The following MME variants were observed in gnomAD, a reference collection of about 807,000 sequenced individuals.
MME encodes membrane metalloendopeptidase, also known as neprilysin.
Under a neutral mutation model 113.2 loss-of-function variants are expected in MME, and 98 were observed. The ratio of observed to expected loss-of-function variants is 0.87; its 90% CI spans 0.74 to 1.02. The LOEUF is 1.02. MME is among the 50% of genes least tolerant of loss of function. MME has a pLI of 0.00. For synonymous variants in MME, 292 were observed against 300.6 expected, an observed-to-expected ratio of 0.97 and a Z score of 0.30; for missense variants, 836 against 896.0, an observed-to-expected ratio of 0.93 and a Z score of 0.86.
intron 3 of MME, among the ~76,000 whole-genome samples, chr3:155,111,116 A>G (rs1253535904): frequency 6.6e-6 from 1 of 152,240 alleles, no homozygotes; most frequent in Non-Finnish European, 1.5e-5. Context: ...AATTACGACC[A>G]GTTTGACAGT....
At position 155,168,874 on chromosome 3, in the gene MME, T is replaced by G. The variant is rs1400925739; in HGVS notation, c.1980+77T>G. On this transcript the variant is annotated intron_variant, in intron 20 of 22. Coordinates refer to ENST00000360490, the MANE Select transcript of MME (RefSeq NM_007289.4). ...ATTTAATAATTCATTTAAAACCTTT[T>G]GCAAAAAAAGAAACTCATATAAGCA... 5 of 1,326,160 alleles carry G rather than the reference T, an allele frequency of 3.8e-6. No homozygotes were observed. The South Asian group carries it at 5.2e-5, about 14-fold the overall frequency. The allele number at this position is 1,326,160 out of a possible 1,614,324, so 82.1% of individuals were successfully genotyped here. A position where few individuals can be genotyped will look rare whatever the true frequency, so the allele number is the denominator to read the frequency against.
intron 1 of MME, among the ~76,000 whole-genome samples, chr3:155,057,732 C>G (rs547315600): frequency 1.7e-3 from 245 of 145,936 alleles, no homozygotes; most frequent in Non-Finnish European, 2.2e-3. Flanking sequence ...TTTGAGAGGG[C>G]AGGGAAGAGA....
intron 21 of MME, 44 bp downstream of exon 21, chr3:155,172,256 GT>G (rs1484481847): frequency 7.5e-7 from 1 of 1,338,654 alleles, no homozygotes; most frequent in African/African-American, 1.4e-5. Flanking sequence ...ACCATTTTGA[GT>G]TATAATTTCA....
chr3:155,059,254 G>C (rs1714052315), intron 1 of MME, among the ~76,000 whole-genome samples: 1 of 87,292 alleles, frequency 1.1e-5, no homozygotes. Context: ...GCAAAATTCT[G>C]TCTCAAAAAA....
At chr3:155,070,836 A>C (rs1714526597) in intron 1 of MME, among the ~76,000 whole-genome samples, 1 of 152,204 alleles carries the variant, frequency 6.6e-6, no homozygotes, top group African/African-American at 2.4e-5. Flanking sequence ...CATCAGAGTC[A>C]GAAAGAACCA....
chr3:155,146,594 G>A (rs961505850), intron 14 of MME, among the ~76,000 whole-genome samples: 6 of 151,814 alleles, frequency 4.0e-5, no homozygotes, highest in Non-Finnish European at 7.4e-5. Context: ...GGAAAACCTC[G>A]TTTTCCACTT....
At chr3:155,147,250 G>A in intron 15 of MME, 26 bp downstream of exon 15, 2 of 1,371,370 alleles carry the variant, frequency 1.5e-6, no homozygotes, top group Non-Finnish European at 2.1e-6. Context: ...ATAGACTCTG[G>A]ACTACTGATA....
At chr3:155,111,078 T>C (rs1377246732) in intron 3 of MME, among the ~76,000 whole-genome samples, 1 of 152,182 alleles carries the variant, frequency 6.6e-6, no homozygotes, top group Non-Finnish European at 1.5e-5. Flanking sequence ...GGTTGAGTAA[T>C]TCAAAACAAA....
At chr3:155,115,435 GT>G (rs1221269545) in intron 4 of MME, among the ~76,000 whole-genome samples, 5 of 151,944 alleles carry the variant, frequency 3.3e-5, no homozygotes, top group Non-Finnish European at 7.4e-5. Context: ...TTGTTTGTTT[GT>G]TTGTTTTTTG....
rs200708180 is a variant in MME at position 155,181,334 on chromosome 3, G to T, written c.*875G>T. ...TAAAGCGATATACAGATGAAAATTT[G>T]AGACTATTTAAACTTATAAATCATA... On this transcript the variant is annotated 3_prime_UTR_variant, in exon 23 of 23. Transcript: ENST00000360490. 6.6e-6 allele frequency: 1 copy of T among 152,088 alleles called. No homozygotes were observed. Among genetic ancestry groups the T allele is most frequent in the African/African-American group, 2.4e-5 (1 of 41,422 alleles). The allele number at this position is 152,088 out of a possible 1,614,324, so 9.4% of individuals were successfully genotyped here.
At chr3:155,125,020 C>T (rs370554706) in intron 8 of MME, among the ~76,000 whole-genome samples, 14,955 of 151,778 alleles carry the variant, frequency 0.099, 954 homozygotes, top group Non-Finnish European at 0.15. Flanking sequence ...CCCCCAGCCT[C>T]GCTGCCGCCT....
At chr3:155,077,202 G>A (rs1401598976), upstream of MME, among the ~76,000 whole-genome samples, 1 of 151,928 alleles carries the variant, frequency 6.6e-6, no homozygotes, top group Non-Finnish European at 1.5e-5. Context: ...CTGGCTCAAT[G>A]GTGCATATAA....
At chr3:155,032,120 C>T (rs1712993479) in intron 1 of MME, among the ~76,000 whole-genome samples, 1 of 152,130 alleles carries the variant, frequency 6.6e-6, no homozygotes, top group South Asian at 2.1e-4. Flanking sequence ...ATAAATCTCA[C>T]TGTAGTTTTT....
At chr3:155,029,345 A>G (rs1196689575) in intron 1 of MME, among the ~76,000 whole-genome samples, 1 of 152,024 alleles carries the variant, frequency 6.6e-6, no homozygotes, top group African/African-American at 2.4e-5. Flanking sequence ...TTTTCTATTT[A>G]TTCCTTTCTC....
chr3:155,050,818 G>C (rs1313379592), intron 1 of MME, among the ~76,000 whole-genome samples: 1 of 150,760 alleles, frequency 6.6e-6, no homozygotes, highest in African/African-American at 2.5e-5. Context: ...TTGCTGTGCA[G>C]AAGCTCTTTA....
chr3:155,119,631 T>A (rs879808118), intron 8 of MME, among the ~76,000 whole-genome samples: 8,508 of 63,010 alleles, frequency 0.14, no homozygotes, highest in Non-Finnish European at 0.15. Flanking sequence ...TGTGATCTCA[T>A]TGTTCAATTC....
intron 3 of MME, among the ~76,000 whole-genome samples, chr3:155,095,112 A>ACC (rs1716628283): frequency 6.6e-6 from 1 of 152,248 alleles, no homozygotes; most frequent in Admixed American, 6.5e-5. Flanking sequence ...TTTGAAATGT[A>ACC]CCCATACTAC....
intron 8 of MME, among the ~76,000 whole-genome samples, chr3:155,127,130 CAT>C (rs557975031): frequency 4.1e-4 from 63 of 152,104 alleles, no homozygotes; most frequent in Non-Finnish European, 7.5e-4. Flanking sequence ...CTTGATTTTG[CAT>C]ATTAGTCTGG....
rs1409069531 is a variant in MME, at chr3:155,115,209, T to G, written c.358+54T>G. The G allele has an allele frequency of 8.8e-6, 14 of 1,586,474 alleles. No individual in the cohort carries two copies. In the Admixed American group the frequency reaches 2.3e-4, roughly 26 times the overall value. ...AGATTTCTCTCTTAATATGTTCATT[T>G]TTTAAATATACAATTGTTAGCCATT... On this transcript the variant is annotated intron_variant, in intron 4 of 22. Coordinates refer to ENST00000360490, the MANE Select transcript of MME (RefSeq NM_007289.4).
Sources: gnomAD v4.1 joint callset for allele counts (sites outside exome capture counted in the v4.1 genomes callset) on GRCh38, gnomAD v4.1.1 for gene constraint, MANE v1.5 for transcripts, NCBI Gene and HGNC (gene_info 2026-07-23, HGNC 2026-07-21) for gene names.